HPS4: variants seen among roughly 807,000 people sequenced by gnomAD.
HPS4 encodes BLOC-3 complex member HPS4.
HPS4 carries 44 observed loss-of-function variants against 70.3 expected under a neutral mutation model. The observed-to-expected ratio is 0.63, with a 90% CI of 0.49 to 0.80. The LOEUF (loss-of-function observed/expected upper bound fraction) is 0.80, where lower values mean the gene tolerates loss of function less well. Among genes scored for constraint, HPS4 ranks in the 30% least tolerant of loss-of-function variants. HPS4 has a pLI of 0.00. For synonymous variants in HPS4, 377 were observed against 355.9 expected (o/e 1.06, Z -0.67); for missense variants, 873 against 884.4 (o/e 0.99, Z 0.16).
At chr22:26,478,114 A>G (rs1341839202) in intron 3 of HPS4, among the ~76,000 whole-genome samples, 3 of 152,208 alleles carry the variant, frequency 2.0e-5, no homozygotes, top group Non-Finnish European at 4.4e-5. Context: ...TTAAGGAATT[A>G]CTGTTACTAA....
chr22:26,469,255 T>G (rs190867120), intron 7 of HPS4, among the ~76,000 whole-genome samples: 24 of 122,182 alleles, frequency 2.0e-4, no homozygotes, highest in Non-Finnish European at 3.0e-4. Flanking sequence ...GAGACCTCCA[T>G]GAGCAACATA....
At chr22:26,443,337 A>G, downstream of HPS4, 1 of 699,796 alleles carries the variant, frequency 1.4e-6, no homozygotes, top group Non-Finnish European at 2.4e-6. Flanking sequence ...CTTATTTGGG[A>G]TTTTATATCA....
chr22:26,453,881 G>C (rs535464741), intron 13 of HPS4: 6 of 238,698 alleles, frequency 2.5e-5, no homozygotes, highest in African/African-American at 6.8e-5. Context: ...TCCGAGAAAG[G>C]AGTCTAGTCT....
At chr22:26,469,853 G>C (rs1362743024) in intron 7 of HPS4, among the ~76,000 whole-genome samples, 1 of 152,216 alleles carries the variant, frequency 6.6e-6, no homozygotes, top group Non-Finnish European at 1.5e-5. Flanking sequence ...AGGAAGAAGA[G>C]TGCAAAGCCC....
At chr22:26,454,889 AAAAC>A (rs1380113862) in intron 13 of HPS4, among the ~76,000 whole-genome samples, 3 of 152,024 alleles carry the variant, frequency 2.0e-5, no homozygotes, top group Non-Finnish European at 4.4e-5. Flanking sequence ...TTACAAGAAA[AAAAC>A]AAACAACCCC....
At position 26,464,582 on chromosome 22, in the gene HPS4, G is replaced by A; in HGVS notation, c.1048C>T (p.Leu350Phe). 1 of 1,614,226 alleles carries A rather than the reference G, an allele frequency of 6.2e-7. No individual in the cohort carries two copies. Among genetic ancestry groups the A allele is most frequent in the Non-Finnish European group, 8.5e-7 (1 of 1,180,042 alleles). The change falls in exon 11 of 14, where the codon CTT becomes TTT. Residue 350 changes from leucine (L) to phenylalanine (F), a missense_variant. Leu to Phe is a conservative substitution (Grantham distance 22). Transcript: ENST00000398145. Reference sequence around the variant, plus strand: ...TTCCCCAGGGAGGAGCTGAGGCCAAGAACCTCACCCCTGGCAGAGTTGTGC... The same window carrying A: ...TTCCCCAGGGAGGAGCTGAGGCCAAAAACCTCACCCCTGGCAGAGTTGTGC... The part of the protein sequence containing the change: ...GLHNSARGEV[L>F]GLSSSLGKEL...
At chr22:26,447,827 G>A (rs551950902), downstream of HPS4, among the ~76,000 whole-genome samples, 8 of 152,096 alleles carry the variant, frequency 5.3e-5, no homozygotes, top group Non-Finnish European at 1.2e-4. Flanking sequence ...AGGCACACAC[G>A]TTGCTTCTAA....
Position 26,457,919 on chromosome 22 carries a change from G to A in HPS4, c.1895C>T (p.Ala632Val). The A allele has an allele frequency of 6.2e-7, 1 of 1,613,746 alleles. No homozygotes were observed. Among genetic ancestry groups the A allele is most frequent in the Non-Finnish European group, 8.5e-7 (1 of 1,179,980 alleles). ...AAATTCGCTATGCATCAGGCTGACG[G>A]CCTGGAGGAAGCGGCGATCCTGCGG... The part of the protein sequence containing the change: ...ATPQDRRFLQ[A>V]VSLMHSEFAQ... The change falls in exon 13 of 14, where the codon GCC becomes GTC. Residue 632 changes from alanine (A) to valine (V), a missense_variant. Ala to Val is a moderately conservative substitution (Grantham distance 64, BLOSUM62 0). Coordinates refer to ENST00000398145, the MANE Select transcript of HPS4 (RefSeq NM_022081.6).
At chr22:26,453,676 T>C (rs2085582579) in intron 13 of HPS4, 2 of 499,008 alleles carry the variant, frequency 4.0e-6, no homozygotes, top group Non-Finnish European at 7.3e-6. Flanking sequence ...GTTATAAGTA[T>C]TGCATAAAGG....
At chr22:26,455,237 T>C (rs2085890696) in intron 13 of HPS4, among the ~76,000 whole-genome samples, 1 of 152,124 alleles carries the variant, frequency 6.6e-6, no homozygotes, top group Admixed American at 6.6e-5. Flanking sequence ...ACTGGGTATA[T>C]ACCCAAAGGA....
At chr22:26,446,600 C>T (rs2084961690), downstream of HPS4, among the ~76,000 whole-genome samples, 6 of 152,056 alleles carry the variant, frequency 3.9e-5, no homozygotes, top group Admixed American at 3.9e-4. Context: ...CTGAGGGGGT[C>T]GCTGCTGTGA....
At chr22:26,472,267 A>C (rs1296209346) in intron 6 of HPS4, 35 bp downstream of exon 6, 2 of 1,222,840 alleles carry the variant, frequency 1.6e-6, no homozygotes, top group Admixed American at 1.7e-5. Flanking sequence ...CCCTAGTCTT[A>C]CATATAAAAT....
chr22:26,446,761 A>C (rs1443635738), downstream of HPS4, among the ~76,000 whole-genome samples: 2 of 152,098 alleles, frequency 1.3e-5, no homozygotes, highest in Admixed American at 6.6e-5. Flanking sequence ...TTTGAGACAG[A>C]GTCTCCTCTG....
chr22:26,475,098 AAC>A (rs1472466118), intron 4 of HPS4, among the ~76,000 whole-genome samples: 7 of 152,330 alleles, frequency 4.6e-5, no homozygotes, highest in South Asian at 2.1e-4. Flanking sequence ...GAGAGATGAA[AAC>A]ACGTGTTCAC....
At chr22:26,448,390 T>G (rs2085026324), downstream of HPS4, among the ~76,000 whole-genome samples, 1 of 152,238 alleles carries the variant, frequency 6.6e-6, no homozygotes, top group Non-Finnish European at 1.5e-5. Flanking sequence ...AACCCAGCTG[T>G]CTGACACCAA....
intron 11 of HPS4, among the ~76,000 whole-genome samples, chr22:26,461,587 G>C (rs2087281824): frequency 6.6e-6 from 1 of 152,152 alleles, no homozygotes; most frequent in Non-Finnish European, 1.5e-5. Context: ...CAGCTTGGCA[G>C]TATGTAACAT....
intron 3 of HPS4, 96 bp from the exon 4 acceptor site, chr22:26,477,232 T>A: frequency 7.6e-7 from 1 of 1,317,866 alleles, no homozygotes; most frequent in Non-Finnish European, 1.1e-6. Context: ...CCAAATCCAG[T>A]CTGTTACCCG....
Position 26,453,134 on chromosome 22 carries a change from A to G in HPS4, c.*99T>C. ...TATCATTTGGTTCCTAAAAAAGGGA[A>G]TGTTTTCAAGAAAAATAAAATAGAG... On this transcript the variant is annotated 3_prime_UTR_variant, in exon 14 of 14. Transcript: ENST00000398145. 1 of 1,233,560 alleles carries G rather than the reference A, an allele frequency of 8.1e-7. No homozygotes were observed. Among genetic ancestry groups the G allele is most frequent in the Non-Finnish European group, 1.2e-6 (1 of 860,282 alleles). 76.4% of individuals were successfully genotyped at this position (1,233,560 alleles called of 1,614,324 possible). A position where few individuals can be genotyped will look rare whatever the true frequency, so the allele number is the denominator to read the frequency against.
chr22:26,462,194 G>A (rs555471455), intron 11 of HPS4, among the ~76,000 whole-genome samples: 32 of 152,088 alleles, frequency 2.1e-4, no homozygotes, highest in Non-Finnish European at 3.5e-4. Context: ...TCTATTTCCC[G>A]GGGCCTAGCC....
Sources: allele counts gnomAD v4.1 joint callset (sites outside exome capture counted in the v4.1 genomes callset), GRCh38; gene constraint gnomAD v4.1.1; transcripts MANE v1.5; gene names NCBI Gene and HGNC (gene_info 2026-07-23, HGNC 2026-07-21).